The following ANO1 variants were observed in gnomAD, a reference collection of about 807,000 sequenced individuals.
ANO1 encodes the protein anoctamin 1.
In ANO1, 59 loss-of-function variants were observed where a neutral mutation model predicts 124.0. The ratio of observed to expected loss-of-function variants is 0.48; its 90% CI spans 0.39 to 0.59. ANO1 has a LOEUF of 0.59. Among genes scored for constraint, ANO1 ranks in the 20% least tolerant of loss-of-function variants. The pLI is 0.00. For synonymous variants in ANO1, 529 were observed against 532.0 expected, an observed-to-expected ratio of 0.99 and a Z score of 0.08; for missense variants, 1,059 against 1,328.0, an observed-to-expected ratio of 0.80 and a Z score of 3.15.
Position 70,167,401 on chromosome 11 carries a change from G to A in ANO1, c.2197+14G>A, listed in dbSNP as rs190162657. On this transcript the variant is annotated intron_variant, in intron 21 of 25. Coordinates refer to ENST00000355303, the MANE Select transcript of ANO1 (RefSeq NM_018043.7). The stretch of plus-strand genomic sequence containing the variant: ...ACATGGAAATGAGTGAGTGATGGCC[G>A]GGGCAGGCAGGTGACATCAGGATAG... The A allele has an allele frequency of 1.0e-4, 163 of 1,603,920 alleles. No individual in the cohort carries two copies. The East Asian group carries it at 3.0e-3, about 30-fold the overall frequency.
At chr11:70,046,723 A>T (rs1417255590) in intron 1 of ANO1, among the ~76,000 whole-genome samples, 3 of 152,204 alleles carry the variant, frequency 2.0e-5, no homozygotes, top group East Asian at 3.9e-4. Flanking sequence ...CTTGGCCAAA[A>T]ATGATGCAAT....
intron 1 of ANO1, among the ~76,000 whole-genome samples, chr11:70,022,725 G>A (rs182203781): frequency 1.3e-5 from 2 of 152,108 alleles, no homozygotes; most frequent in African/African-American, 4.8e-5. Context: ...GCAGAATCAC[G>A]ACCCCCAAAG....
At chr11:70,121,676 C>T (rs1565221713) in intron 8 of ANO1, among the ~76,000 whole-genome samples, 1 of 146,570 alleles carries the variant, frequency 6.8e-6, no homozygotes, top group Non-Finnish European at 1.5e-5. Flanking sequence ...CTGTCTCTCT[C>T]TCCGTCTCCC....
At chr11:69,976,431 C>T in the ANO1 span, among the ~76,000 whole-genome samples, 5 of 146,538 alleles carry the variant, frequency 3.4e-5, no homozygotes, top group African/African-American at 5.1e-5. Flanking sequence ...GGCGTGAACC[C>T]GGGAGGCGGA....
the ANO1 span, among the ~76,000 whole-genome samples, chr11:69,968,638 A>G: frequency 2.7e-3 from 409 of 152,274 alleles, 1 homozygote; most frequent in African/African-American, 9.4e-3. Context: ...CCCTGCTGAG[A>G]TGCAGGGATG....
intron 1 of ANO1, among the ~76,000 whole-genome samples, chr11:70,023,289 C>T (rs958616300): frequency 8.5e-5 from 13 of 152,206 alleles, no homozygotes; most frequent in African/African-American, 1.2e-4. Context: ...TGCACCTTTC[C>T]GCATTGACTC....
chr11:70,000,842 C>A (rs1420646486), intron 1 of ANO1, among the ~76,000 whole-genome samples: 1 of 152,116 alleles, frequency 6.6e-6, no homozygotes, highest in Admixed American at 6.5e-5. Context: ...GAGGAACAAC[C>A]TGCAACTGCT....
intron 14 of ANO1, 75 bp downstream of exon 14, chr11:70,153,203 G>T: frequency 7.5e-7 from 1 of 1,330,574 alleles, no homozygotes; most frequent in African/African-American, 1.5e-5. Context: ...CCTGGGATCA[G>T]CCCAGAGAAC....
intron 1 of ANO1, chr11:70,085,471 C>T: frequency 3.9e-6 from 6 of 1,535,948 alleles, no homozygotes; most frequent in Non-Finnish European, 5.2e-6. Flanking sequence ...CCCTGTGTTA[C>T]TGTAGAGAGA....
the ANO1 span, among the ~76,000 whole-genome samples, chr11:69,966,271 A>G: frequency 6.6e-6 from 1 of 152,080 alleles, no homozygotes; most frequent in African/African-American, 2.4e-5. Context: ...CAGCTAAATG[A>G]TCATGGGACA....
chr11:70,120,622 T>C (rs1281060675), intron 8 of ANO1, among the ~76,000 whole-genome samples: 4 of 152,112 alleles, frequency 2.6e-5, no homozygotes, highest in African/African-American at 9.7e-5. Context: ...ACAGGCCCTG[T>C]TGGAGGCATG....
the ANO1 span, among the ~76,000 whole-genome samples, chr11:69,965,999 G>A: frequency 6.6e-6 from 1 of 152,114 alleles, no homozygotes; most frequent in African/African-American, 2.4e-5. Flanking sequence ...CCCTCCCCAG[G>A]CCCTGCCACG....
At chr11:70,143,909 T>A (rs2047251272) in intron 11 of ANO1, among the ~76,000 whole-genome samples, 1 of 152,186 alleles carries the variant, frequency 6.6e-6, no homozygotes. Flanking sequence ...ATGTTATGCA[T>A]CCACGCCTCT....
At chr11:70,177,034 C>T (rs963388584) in intron 22 of ANO1, among the ~76,000 whole-genome samples, 1 of 152,166 alleles carries the variant, frequency 6.6e-6, no homozygotes, top group East Asian at 1.9e-4. Flanking sequence ...TCCATCGGGG[C>T]CCGGAAGCGA....
chr11:70,148,919 T>TC (rs1158610232), intron 11 of ANO1, among the ~76,000 whole-genome samples: 1 of 152,194 alleles, frequency 6.6e-6, no homozygotes, highest in Non-Finnish European at 1.5e-5. Context: ...GCTGGGTTTT[T>TC]CTCACATTGA....
chr11:70,184,567 T>C (rs529176796), intron 24 of ANO1, among the ~76,000 whole-genome samples: 45 of 152,156 alleles, frequency 3.0e-4, no homozygotes, highest in African/African-American at 9.9e-4. Flanking sequence ...GCAGCAACCC[T>C]GGAGGAGGAA....
intron 1 of ANO1, among the ~76,000 whole-genome samples, chr11:70,007,875 T>C (rs1856522924): frequency 6.6e-6 from 1 of 152,224 alleles, no homozygotes; most frequent in Admixed American, 6.5e-5. Flanking sequence ...ACACAAATGT[T>C]TCAGTTTGTC....
intron 8 of ANO1, among the ~76,000 whole-genome samples, chr11:70,123,549 C>G (rs2046379449): frequency 6.6e-6 from 1 of 152,182 alleles, no homozygotes; most frequent in South Asian, 2.1e-4. Flanking sequence ...TGGGAGGCAG[C>G]TTGGCCCCAG....
At chr11:70,045,571 G>A (rs1555005510) in intron 1 of ANO1, among the ~76,000 whole-genome samples, 1 of 152,160 alleles carries the variant, frequency 6.6e-6, no homozygotes, top group Non-Finnish European at 1.5e-5. Flanking sequence ...CAGGGCAAAT[G>A]CTTGATCTGT....
Sources: allele counts gnomAD v4.1 joint callset (sites outside exome capture counted in the v4.1 genomes callset), GRCh38; gene constraint gnomAD v4.1.1; transcripts MANE v1.5; gene names NCBI Gene and HGNC (gene_info 2026-07-23, HGNC 2026-07-21).